Variants in RABGEF1 observed in about 807,000 individuals in gnomAD.
The protein encoded by RABGEF1 is rab5 GDP/GTP exchange factor.
Under a neutral mutation model 57.3 loss-of-function variants are expected in RABGEF1, and 26 were observed. The observed-to-expected ratio is 0.45, with a 90% CI of 0.33 to 0.63. RABGEF1 has a LOEUF of 0.63. RABGEF1 is among the 20% of genes least tolerant of loss of function. The pLI, the probability that RABGEF1 is intolerant of heterozygous loss-of-function variation, is 0.02. For missense variants in RABGEF1, 464 were observed against 607.6 expected (o/e 0.76, Z 2.48); for synonymous variants, 185 against 210.7 (o/e 0.88, Z 1.06).
intron 1 of RABGEF1, among the ~76,000 whole-genome samples, chr7:66,695,577 G>A (rs556155433): frequency 6.6e-6 from 1 of 152,214 alleles, no homozygotes; most frequent in South Asian, 2.1e-4. Context: ...CCAGGCTGGA[G>A]AGAGTTTTGG....
intron 1 of RABGEF1, among the ~76,000 whole-genome samples, chr7:66,697,759 C>T (rs1422666048): frequency 2.0e-5 from 3 of 152,076 alleles, no homozygotes; most frequent in Non-Finnish European, 2.9e-5. Flanking sequence ...GCTAGGCTGG[C>T]CAGGGAGGGA....
chr7:66,796,011 C>T (rs1289956528), intron 5 of RABGEF1, among the ~76,000 whole-genome samples: 1 of 152,126 alleles, frequency 6.6e-6, no homozygotes, highest in African/African-American at 2.4e-5. Context: ...TTGTGGTGCA[C>T]CTCTTATCCC....
intron 4 of RABGEF1, among the ~76,000 whole-genome samples, chr7:66,784,853 A>G (rs1016904553): frequency 9.2e-5 from 14 of 151,902 alleles, no homozygotes; most frequent in African/African-American, 3.1e-4. Context: ...GTGAGCTGTT[A>G]TTGTTTTTTT....
intron 1 of RABGEF1, among the ~76,000 whole-genome samples, chr7:66,702,347 TTGTGTGTGTGTGTGTGTGTGTGTGTGTG>T (rs58655312): frequency 2.1e-5 from 3 of 143,888 alleles, no homozygotes; most frequent in Non-Finnish European, 4.5e-5. Flanking sequence ...ATTGTTTTGT[TTGTGTGTGTGTGTGTGTGTGTGTGTGTG>T]TGTGTGTGTG....
At chr7:66,694,768 A>G (rs1792076085) in intron 1 of RABGEF1, among the ~76,000 whole-genome samples, 1 of 152,148 alleles carries the variant, frequency 6.6e-6, no homozygotes, top group South Asian at 2.1e-4. Context: ...GGGAGGGCGG[A>G]GCCTCCGATG....
chr7:66,749,866 C>T (rs947630104), intron 1 of RABGEF1, among the ~76,000 whole-genome samples: 3 of 151,916 alleles, frequency 2.0e-5, no homozygotes, highest in East Asian at 1.9e-4. Flanking sequence ...CCCAGCTACT[C>T]GGGAGGCTGA....
At chr7:66,714,571 G>A (rs1795143846) in intron 2 of RABGEF1, among the ~76,000 whole-genome samples, 1 of 152,056 alleles carries the variant, frequency 6.6e-6, no homozygotes, top group Non-Finnish European at 1.5e-5. Context: ...ATTGGTTGCT[G>A]CTCTTACCTT....
At chr7:66,783,934 A>G in intron 4 of RABGEF1, 93 bp downstream of exon 4, 2 of 1,185,132 alleles carry the variant, frequency 1.7e-6, no homozygotes, top group East Asian at 5.5e-5. Context: ...TTTATGCCTG[A>G]GAAAAATCCA....
At chr7:66,696,122 G>A (rs888474154) in intron 1 of RABGEF1, among the ~76,000 whole-genome samples, 2 of 152,010 alleles carry the variant, frequency 1.3e-5, no homozygotes, top group African/African-American at 4.8e-5. Flanking sequence ...TTGGAGTGCA[G>A]TGGCACAATC....
upstream of RABGEF1, chr7:66,682,026 C>G (rs1476513418): frequency 6.1e-6 from 1 of 163,704 alleles, no homozygotes; most frequent in Non-Finnish European, 1.5e-5. Flanking sequence ...CTTTGGATCC[C>G]GCTCGCACTT....
the RABGEF1 span, among the ~76,000 whole-genome samples, chr7:66,654,982 C>G: frequency 6.6e-6 from 1 of 152,252 alleles, no homozygotes; most frequent in Admixed American, 6.5e-5. Context: ...GCTCTCACTT[C>G]CCCGTCCAGG....
chr7:66,750,110 C>T (rs947557873), intron 1 of RABGEF1, among the ~76,000 whole-genome samples: 4 of 152,028 alleles, frequency 2.6e-5, no homozygotes, highest in South Asian at 2.1e-4. Flanking sequence ...ATTTATTGGC[C>T]GTTGCAGTTG....
chr7:66,775,538 T>C, intron 3 of RABGEF1, 145 bp downstream of exon 3: 1 of 898,672 alleles, frequency 1.1e-6, no homozygotes, highest in Non-Finnish European at 1.7e-6. Context: ...GGCTTGAGGG[T>C]CAGACAGTAT....
intron 2 of RABGEF1, among the ~76,000 whole-genome samples, chr7:66,731,338 G>T (rs1481275852): frequency 2.0e-5 from 3 of 152,174 alleles, no homozygotes; most frequent in African/African-American, 7.2e-5. Flanking sequence ...ACAGGAGAGG[G>T]TATCTGATCA....
At chr7:66,744,667 C>CA (rs774941950) in intron 1 of RABGEF1, among the ~76,000 whole-genome samples, 10,453 of 70,592 alleles carry the variant, frequency 0.15, 714 homozygotes, top group East Asian at 0.3. Context: ...GACTCCGTCT[C>CA]AAAAAAAAAA....
At chr7:66,797,147 T>C (rs768452901) in intron 5 of RABGEF1, among the ~76,000 whole-genome samples, 1 of 151,010 alleles carries the variant, frequency 6.6e-6, no homozygotes, top group Non-Finnish European at 1.5e-5. Flanking sequence ...AGAAAAAACC[T>C]ACAAAAATTA....
At chr7:66,665,653 G>T in the RABGEF1 span, among the ~76,000 whole-genome samples, 1 of 152,148 alleles carries the variant, frequency 6.6e-6, no homozygotes, top group East Asian at 1.9e-4. Context: ...AGAGAATCTA[G>T]AACATCGTAG....
At chr7:66,767,626 T>G (rs190392406) in intron 1 of RABGEF1, among the ~76,000 whole-genome samples, 3 of 152,258 alleles carry the variant, frequency 2.0e-5, no homozygotes, top group Admixed American at 2.0e-4. Flanking sequence ...TGGGAGGTGA[T>G]TAGTTCATGA....
At chr7:66,789,644 C>T (rs1348792629) in intron 4 of RABGEF1, among the ~76,000 whole-genome samples, 2 of 125,336 alleles carry the variant, frequency 1.6e-5, no homozygotes, top group Non-Finnish European at 3.1e-5. Flanking sequence ...GATCACGCCA[C>T]TGCACTCCAG....
Sources: allele counts gnomAD v4.1 joint callset (sites outside exome capture counted in the v4.1 genomes callset), GRCh38; gene constraint gnomAD v4.1.1; transcripts MANE v1.5; gene names NCBI Gene and HGNC (gene_info 2026-07-23, HGNC 2026-07-21).